The following TMTC2 variants were observed in gnomAD, a reference collection of about 807,000 sequenced individuals.
TMTC2 encodes protein O-mannosyl-transferase TMTC2.
Under a neutral mutation model 82.4 loss-of-function variants are expected in TMTC2, and 43 were observed. The observed-to-expected ratio is 0.52, with a 90% CI of 0.41 to 0.67. The LOEUF (loss-of-function observed/expected upper bound fraction) is 0.67, where lower values mean the gene tolerates loss of function less well. Among genes scored for constraint, TMTC2 ranks in the 30% least tolerant of loss-of-function variants. The probability of loss-of-function intolerance (pLI) is 0.00; values close to 1 mark genes in which losing one functional copy is unlikely to be tolerated. For synonymous variants in TMTC2, 408 were observed against 381.9 expected (o/e 1.07, Z -0.80); for missense variants, 919 against 1,012.4 (o/e 0.91, Z 1.25).
At chr12:83,006,092 G>C (rs1463840420) in intron 8 of TMTC2, among the ~76,000 whole-genome samples, 3 of 152,184 alleles carry the variant, frequency 2.0e-5, no homozygotes, top group Non-Finnish European at 4.4e-5. Context: ...TGTGCAGCCA[G>C]GATCCCAGAA....
At chr12:82,720,147 A>G (rs1874136159) in intron 1 of TMTC2, among the ~76,000 whole-genome samples, 1 of 152,114 alleles carries the variant, frequency 6.6e-6, no homozygotes, top group South Asian at 2.1e-4. Flanking sequence ...GGTGTCTGTG[A>G]CTGTCTCTAC....
chr12:82,870,470 C>A (rs943136730), intron 2 of TMTC2, among the ~76,000 whole-genome samples: 4 of 152,226 alleles, frequency 2.6e-5, no homozygotes, highest in Non-Finnish European at 5.9e-5. Context: ...GGTCTCTTCT[C>A]TTTCATGCCA....
chr12:82,997,000 A>G (rs1198179374), intron 8 of TMTC2, among the ~76,000 whole-genome samples: 1 of 152,000 alleles, frequency 6.6e-6, no homozygotes, highest in African/African-American at 2.4e-5. Flanking sequence ...TTAAGTTTCA[A>G]TCTATTGCTT....
chr12:83,069,425 AT>A (rs1198832194), intron 11 of TMTC2, among the ~76,000 whole-genome samples: 3 of 152,036 alleles, frequency 2.0e-5, no homozygotes, highest in Admixed American at 6.6e-5. Flanking sequence ...TATGGTTTTG[AT>A]TTGCATTTTC....
chr12:82,860,151 T>A (rs1216851434), intron 2 of TMTC2, among the ~76,000 whole-genome samples: 2 of 151,734 alleles, frequency 1.3e-5, no homozygotes, highest in South Asian at 4.2e-4. Context: ...TTTTTGTATT[T>A]TTAGTAGAGG....
At chr12:82,818,516 C>T (rs75759171) in intron 1 of TMTC2, among the ~76,000 whole-genome samples, 1 of 152,080 alleles carries the variant, frequency 6.6e-6, no homozygotes, top group Non-Finnish European at 1.5e-5. Context: ...CAAGGTTCTC[C>T]AGGTCATTGG....
At chr12:83,110,448 A>G (rs1015374848) in intron 11 of TMTC2, among the ~76,000 whole-genome samples, 6 of 152,190 alleles carry the variant, frequency 3.9e-5, no homozygotes, top group Admixed American at 2.0e-4. Context: ...CTCCTTCTCT[A>G]TAGATTTCTC....
intron 1 of TMTC2, chr12:82,760,186 T>C (rs1055591334): frequency 6.6e-6 from 1 of 152,072 alleles, no homozygotes; most frequent in African/African-American, 2.4e-5. Context: ...TTGGGGTTAT[T>C]TTTTTGTATT....
chr12:82,698,086 C>CCTTA (rs1401636837), intron 1 of TMTC2, among the ~76,000 whole-genome samples: 1 of 152,126 alleles, frequency 6.6e-6, no homozygotes, highest in Non-Finnish European at 1.5e-5. Context: ...TACACTTAAA[C>CCTTA]CTTAGCTTTA....
At chr12:82,876,132 G>GGTGGTGGTGGTGGTGGTGGTGGTA (rs1427602082) in intron 2 of TMTC2, among the ~76,000 whole-genome samples, 26 of 145,362 alleles carry the variant, frequency 1.8e-4, no homozygotes, top group African/African-American at 6.6e-4. Flanking sequence ...TATTAGTAAT[G>GGTGGTGGTGGTGGTGGTGGTGGTA]GTGGTGGTGG....
intron 1 of TMTC2, among the ~76,000 whole-genome samples, chr12:82,716,689 G>A (rs1250486558): frequency 6.6e-6 from 1 of 152,094 alleles, no homozygotes; most frequent in Non-Finnish European, 1.5e-5. Context: ...CTGAGTGCCA[G>A]TTAAATGTAG....
chr12:82,780,931 A>G (rs1191372365), intron 1 of TMTC2, among the ~76,000 whole-genome samples: 2 of 152,116 alleles, frequency 1.3e-5, no homozygotes, highest in Non-Finnish European at 2.9e-5. Flanking sequence ...TTACAAAGAC[A>G]ACTTTTTATT....
chr12:82,962,694 T>C (rs1424743767), intron 4 of TMTC2, among the ~76,000 whole-genome samples: 1 of 152,032 alleles, frequency 6.6e-6, no homozygotes, highest in African/African-American at 2.4e-5. Context: ...AATCAGCTTT[T>C]GAAAGCAGAT....
intron 2 of TMTC2, among the ~76,000 whole-genome samples, chr12:82,887,693 T>C (rs1873171617): frequency 1.3e-5 from 2 of 152,224 alleles, no homozygotes; most frequent in African/African-American, 2.4e-5. Context: ...ATTAGAAATA[T>C]CTATTTTTGT....
intron 9 of TMTC2, among the ~76,000 whole-genome samples, chr12:83,041,259 A>G (rs913301513): frequency 6.6e-6 from 1 of 152,238 alleles, no homozygotes; most frequent in African/African-American, 2.4e-5. Flanking sequence ...TGTAGGGAGT[A>G]GACAATGCCA....
intron 1 of TMTC2, among the ~76,000 whole-genome samples, chr12:82,749,739 C>CTTTTTTTTTT (rs71068950): frequency 2.4e-5 from 3 of 127,162 alleles, no homozygotes; most frequent in Non-Finnish European, 3.2e-5. Context: ...TTCTTTCTTT[C>CTTTTTTTTTT]TTTTTTTTTT....
chr12:82,752,662 G>A (rs1054160798), intron 1 of TMTC2, among the ~76,000 whole-genome samples: 3 of 151,566 alleles, frequency 2.0e-5, no homozygotes, highest in African/African-American at 7.3e-5. Context: ...CTTAAAATAG[G>A]CCTATATAGC....
intron 11 of TMTC2, among the ~76,000 whole-genome samples, chr12:83,090,355 A>G (rs1883801471): frequency 6.6e-6 from 1 of 152,242 alleles, no homozygotes; most frequent in Non-Finnish European, 1.5e-5. Context: ...AGAGTGTCAC[A>G]TTCATGCCCT....
At chr12:82,770,471 G>A (rs79191118) in intron 1 of TMTC2, among the ~76,000 whole-genome samples, 2,233 of 151,976 alleles carry the variant, frequency 0.015, 51 homozygotes, top group African/African-American at 0.051. Flanking sequence ...ATAGAATTTA[G>A]TATGCCTAAG....
Sources: allele counts gnomAD v4.1 joint callset (sites outside exome capture counted in the v4.1 genomes callset), GRCh38; gene constraint gnomAD v4.1.1; transcripts MANE v1.5; gene names NCBI Gene and HGNC (gene_info 2026-07-23, HGNC 2026-07-21).